The following DBX1 variants were observed in gnomAD, a reference collection of about 807,000 sequenced individuals.
The protein encoded by DBX1 is homeobox protein DBX1.
In DBX1, 10 loss-of-function variants were observed where a neutral mutation model predicts 20.8. The observed-to-expected ratio is 0.48, with a 90% confidence interval of 0.30 to 0.82. The LOEUF (loss-of-function observed/expected upper bound fraction) is 0.82. DBX1 is among the 40% of genes least tolerant of loss of function. The pLI is 0.07. For missense variants in DBX1, 505 were observed against 468.8 expected (o/e 1.08, Z -0.71); for synonymous variants, 241 against 213.9 (o/e 1.13, Z -1.11).
chr11:20,159,415 A>C (rs191712920), intron 1 of DBX1, 123 bp from the exon 2 acceptor site: 1 of 669,212 alleles, frequency 1.5e-6, no homozygotes, highest in Non-Finnish European at 2.7e-6. Flanking sequence ...GGTTTCAAAG[A>C]CATCTTTCTT....
chr11:20,156,667 A>G lies in DBX1; in HGVS notation c.673-94T>C, dbSNP rs778944029. On this transcript the variant is annotated intron_variant, in intron 3 of 3. Coordinates refer to ENST00000524983, the MANE Select transcript of DBX1 (RefSeq NM_001029865.4). The surrounding 1 kb of genome is among the most constrained non-coding windows in gnomAD (Gnocchi z 4.8). Reference sequence around the variant, plus strand: ...GGGGGCGGGGAGTGGAGTCGGGTGCAGGCTCTGTCCTTCGGGCTGTGTCCT... The same window carrying G: ...GGGGGCGGGGAGTGGAGTCGGGTGCGGGCTCTGTCCTTCGGGCTGTGTCCT... 7.6e-6 allele frequency: 12 copies of G among 1,568,712 alleles called. No individual in the cohort carries two copies. The East Asian group carries it at 2.0e-4, about 26-fold the overall frequency.
chr11:20,157,446 A>C (rs1428931597), intron 2 of DBX1, among the ~76,000 whole-genome samples: 1 of 152,254 alleles, frequency 6.6e-6, no homozygotes. Context: ...GCAAACCCGG[A>C]TTAGGTAAAA....
chr11:20,157,245 G>T lies in DBX1; in HGVS notation c.470-6C>A. ...GGGCACCACGCTGGAGGAAGCTGCAGGGTGGGGGGAGGTGGCGAGTGAGTG... is the reference window on the plus strand; with the variant it reads ...GGGCACCACGCTGGAGGAAGCTGCATGGTGGGGGGAGGTGGCGAGTGAGTG... On this transcript the variant is annotated splice_polypyrimidine_tract_variant and splice_region_variant and intron_variant, in intron 2 of 3. Coordinates refer to ENST00000524983, the MANE Select transcript of DBX1 (RefSeq NM_001029865.4). 1 of 1,557,286 alleles carries T rather than the reference G, an allele frequency of 6.4e-7. No homozygotes were observed. Among genetic ancestry groups the T allele is most frequent in the Non-Finnish European group, 8.7e-7 (1 of 1,154,604 alleles).
At chr11:20,157,011 G>A (rs777388029) in intron 3 of DBX1, 26 bp downstream of exon 3, 26 of 1,610,098 alleles carry the variant, frequency 1.6e-5, no homozygotes, top group Non-Finnish European at 2.1e-5. Context: ...GGGGCGGGGG[G>A]GGTGCTGTGG....
Position 20,156,634 on chromosome 11 carries a change from G to A in DBX1, c.673-61C>T, listed in dbSNP as rs775148261. On this transcript the variant is annotated intron_variant, in intron 3 of 3. Coordinates refer to ENST00000524983, the MANE Select transcript of DBX1 (RefSeq NM_001029865.4). This position sits in a 1 kb window ranked among gnomAD's most constrained non-coding sequence, Gnocchi z 4.8. ...CAGAGGTCAGATCAGGGGCTCCGGG[G>A]GACGCACGGGGGCGGGGAGTGGAGT... The A allele has an allele frequency of 2.5e-6, 4 of 1,612,154 alleles. No individual in the cohort carries two copies. Among genetic ancestry groups the A allele is most frequent in the African/African-American group, 1.3e-5 (1 of 74,932 alleles).
rs1428796043 is a variant in DBX1, at chr11:20,160,302, G to A, written c.23C>T (p.Ala8Val). 6.6e-7 allele frequency: 1 copy of A among 1,526,286 alleles called. No homozygotes were observed. Among genetic ancestry groups the A allele is most frequent in the South Asian group, 1.2e-5 (1 of 82,702 alleles). The allele number at this position is 1,526,286 out of a possible 1,614,324, so 94.5% of individuals were successfully genotyped here. The change falls in exon 1 of 4, where the codon GCG becomes GTG. Residue 8 changes from alanine (A) to valine (V), a missense_variant. Transcript: ENST00000524983. ...GAGGCTAGGGTACCCGGCGGGGGGCGCGAGGAGGCCGGGGAACATCATGGT... is the reference window on the plus strand; with the variant it reads ...GAGGCTAGGGTACCCGGCGGGGGGCACGAGGAGGCCGGGGAACATCATGGT... MMFPGLL[A>V]PPAGYPSLLR...
At chr11:20,157,302 C>G (rs1331292197) in intron 2 of DBX1, 63 bp from the exon 3 acceptor site, 3 of 1,454,662 alleles carry the variant, frequency 2.1e-6, no homozygotes, top group Admixed American at 4.0e-5. Flanking sequence ...ACACGGCTCT[C>G]CCTGGCTTTT....
In DBX1 at chr11:20,156,276, C is replaced by A. The variant is rs77893331; in HGVS notation, c.970G>T (p.Asp324Tyr). The A allele has an allele frequency of 6.5e-7, 1 of 1,529,676 alleles. No individual in the cohort carries two copies. Among genetic ancestry groups the A allele is most frequent in the Non-Finnish European group, 8.8e-7 (1 of 1,141,172 alleles). 94.8% of individuals were successfully genotyped at this position (1,529,676 alleles called of 1,614,324 possible). ...TCTTCCTCCTCGGAATCTGAGAAGT[C>A]CGAAGGTTTCCCGGGACTGCTCGAG... is the stretch of plus-strand genomic sequence containing the variant. ...AHSSSPGKPS[D>Y]FSDSEEEEEG... The change falls in exon 4 of 4, where the codon GAC (aspartate) becomes TAC (tyrosine). Residue 324 changes from aspartate (D) to tyrosine (Y), a missense_variant. Asp to Tyr is a radical substitution (Grantham distance 160). Coordinates refer to ENST00000524983, the MANE Select transcript of DBX1 (RefSeq NM_001029865.4). This position sits in a 1 kb window ranked among gnomAD's most constrained non-coding sequence, Gnocchi z 4.8.
rs2063664216 is a variant in DBX1, at chr11:20,157,193, C to T, written c.516G>A (p.Leu172=). 1.9e-6 allele frequency: 3 copies of T among 1,598,752 alleles called. No individual in the cohort carries two copies. Among genetic ancestry groups the T allele is most frequent in the Non-Finnish European group, 2.6e-6 (3 of 1,173,618 alleles). ...CCCGCCGAGGCTTCCCGCGCGCGGCCAGCGGCCAGGAGAAGGTCCCGGGGA... is the reference window on the plus strand; with the variant it reads ...CCCGCCGAGGCTTCCCGCGCGCGGCTAGCGGCCAGGAGAAGGTCCCGGGGA... ...VPIPGTFSWP[L]AARGKPRRGM... Residue 172 remains leucine, a synonymous_variant, in exon 3 of 4, where the codon CTG becomes CTA. Coordinates refer to ENST00000524983, the MANE Select transcript of DBX1 (RefSeq NM_001029865.4).
At chr11:20,159,732 C>A (rs945236836) in intron 1 of DBX1, among the ~76,000 whole-genome samples, 1 of 152,244 alleles carries the variant, frequency 6.6e-6, no homozygotes, top group Non-Finnish European at 1.5e-5. Flanking sequence ...TCTCCGACTG[C>A]GTGTGCTCAA....
Position 20,156,663 on chromosome 11 carries a change from GTGCAGGCTCTGTCCT to G in DBX1, c.673-105_673-91del. On this transcript the variant is annotated intron_variant, in intron 3 of 3. Transcript: ENST00000524983. This position sits in a 1 kb window ranked among gnomAD's most constrained non-coding sequence, Gnocchi z 4.8. Reference sequence around the variant, plus strand: ...GCACGGGGGCGGGGAGTGGAGTCGGGTGCAGGCTCTGTCCTTCGGGCTGTGTCCTCTCCCCACCCC... The same window carrying G: ...GCACGGGGGCGGGGAGTGGAGTCGGGTCGGGCTGTGTCCTCTCCCCACCCC... 2 of 1,576,384 alleles carry G rather than the reference GTGCAGGCTCTGTCCT, an allele frequency of 1.3e-6. No individual in the cohort carries two copies. Among genetic ancestry groups the G allele is most frequent in the Non-Finnish European group, 1.7e-6 (2 of 1,147,918 alleles).
Position 20,160,038 on chromosome 11 carries a change from G to A in DBX1, c.287C>T (p.Pro96Leu). Reference protein sequence around the residue: ...GPGSRRGGSPPTAFSPASETT... With the variant: ...GPGSRRGGSPLTAFSPASETT... ...CTCGCTGGCAGGGGAGAAGGCAGTC[G>A]GCGGAGAGCCGCCCCGTCGGCTGCC... is the stretch of plus-strand genomic sequence containing the variant. Residue 96 changes from proline to leucine, a missense_variant, in exon 1 of 4, where the codon CCG (proline) becomes CTG (leucine). Physicochemically the swap from Pro to Leu is moderately conservative, Grantham distance 98. Coordinates refer to ENST00000524983, the MANE Select transcript of DBX1 (RefSeq NM_001029865.4). 1 of 1,599,588 alleles carries A rather than the reference G, an allele frequency of 6.3e-7. No homozygotes were observed. Among genetic ancestry groups the A allele is most frequent in the Non-Finnish European group, 8.5e-7 (1 of 1,173,382 alleles).
rs1309657876 is a variant in DBX1, at chr11:20,156,769, C to T, written c.673-196G>A. ...CCGCCTCAGCTCGCGGTTCCGTTTGCCTCATCCGCTGCCACCCTGCCCCGA... is the reference window on the plus strand; with the variant it reads ...CCGCCTCAGCTCGCGGTTCCGTTTGTCTCATCCGCTGCCACCCTGCCCCGA... On this transcript the variant is annotated intron_variant, in intron 3 of 3. Coordinates refer to ENST00000524983, the MANE Select transcript of DBX1 (RefSeq NM_001029865.4). This position sits in a 1 kb window ranked among gnomAD's most constrained non-coding sequence, Gnocchi z 4.8. The T allele has an allele frequency of 4.2e-6, 4 of 947,648 alleles. No homozygotes were observed. Among genetic ancestry groups the T allele is most frequent in the Non-Finnish European group, 6.6e-6 (4 of 608,030 alleles). 58.7% of individuals were successfully genotyped at this position (947,648 alleles called of 1,614,324 possible). A position where few individuals can be genotyped will look rare whatever the true frequency, so the allele number is the denominator to read the frequency against.
chr11:20,156,895 G>C lies in DBX1; in HGVS notation c.672+142C>G. The C allele has an allele frequency of 1.2e-6, 1 of 834,474 alleles. No individual in the cohort carries two copies. Among genetic ancestry groups the C allele is most frequent in the South Asian group, 1.6e-5 (1 of 60,930 alleles). 51.7% of individuals were successfully genotyped at this position (834,474 alleles called of 1,614,324 possible). A position where few individuals can be genotyped will look rare whatever the true frequency, so the allele number is the denominator to read the frequency against. ...CGGAGCTTCGAGGGTAGTGGCCCGT[G>C]TACTCACTCCCTCTCTAGGCCTCGG... On this transcript the variant is annotated intron_variant, in intron 3 of 3. Coordinates refer to ENST00000524983, the MANE Select transcript of DBX1 (RefSeq NM_001029865.4). The surrounding 1 kb of genome is among the most constrained non-coding windows in gnomAD (Gnocchi z 4.8).
In DBX1 at chr11:20,156,433, C is replaced by T. The variant is rs1170322314; in HGVS notation, c.813G>A (p.Lys271=). The T allele has an allele frequency of 7.5e-6, 12 of 1,607,954 alleles. No individual in the cohort carries two copies. The highest frequency in any genetic ancestry group is 4.0e-5 in the African/African-American group (3 of 74,818). ...PHPDLSDVGQ[K]GPGNEEEEEG... is the part of the protein sequence containing the mutation. ...CCTCCTCCTCTTCGTTCCCAGGGCC[C>T]TTCTGGCCCACGTCGCTGAGGTCCG... Residue 271 remains lysine, a synonymous_variant, in exon 4 of 4, where the codon AAG becomes AAA. Coordinates refer to ENST00000524983, the MANE Select transcript of DBX1 (RefSeq NM_001029865.4). This position sits in a 1 kb window ranked among gnomAD's most constrained non-coding sequence, Gnocchi z 4.8.
chr11:20,157,917 T>A (rs913836322), intron 2 of DBX1, among the ~76,000 whole-genome samples: 1 of 151,974 alleles, frequency 6.6e-6, no homozygotes, highest in Non-Finnish European at 1.5e-5. Flanking sequence ...AAACAGAGAC[T>A]CTAATGAAGC....
In DBX1 at chr11:20,156,822, G is replaced by A. The variant is rs935979318; in HGVS notation, c.672+215C>T. The A allele has an allele frequency of 9.2e-6, 7 of 756,932 alleles. No individual in the cohort carries two copies. The highest frequency in any genetic ancestry group is 8.0e-5 in the East Asian group (3 of 37,638). The allele number at this position is 756,932 out of a possible 1,614,324, so 46.9% of individuals were successfully genotyped here. On this transcript the variant is annotated intron_variant, in intron 3 of 3. Coordinates refer to ENST00000524983, the MANE Select transcript of DBX1 (RefSeq NM_001029865.4). The surrounding 1 kb of genome is among the most constrained non-coding windows in gnomAD (Gnocchi z 4.8). ...GGCGGGGTTGGGGGCCGGTGAGGCC[G>A]GGAGAGAAGGCGGGGAGTCGGGGTG... is the stretch of plus-strand genomic sequence containing the variant.
chr11:20,159,395 C>A, intron 1 of DBX1, 103 bp from the exon 2 acceptor site: 1 of 742,958 alleles, frequency 1.3e-6, no homozygotes, highest in South Asian at 1.6e-5. Context: ...ATATAATTAG[C>A]CCTTCATCTG....
rs550342567 is a variant in DBX1 at position 20,157,079 on chromosome 11, G to T, written c.630C>A (p.Asp210Glu). 8.6e-5 allele frequency: 139 copies of T among 1,613,964 alleles called. No homozygotes were observed. Among genetic ancestry groups the T allele is most frequent in the Non-Finnish European group, 1.1e-4 (134 of 1,180,020 alleles). The change falls in exon 3 of 4, where the codon GAC (aspartate) becomes GAA (glutamate). Residue 210 changes from aspartate (D) to glutamate (E), a missense_variant. Asp to Glu is a conservative substitution (Grantham distance 45). Coordinates refer to ENST00000524983, the MANE Select transcript of DBX1 (RefSeq NM_001029865.4). ...FQKQKYISKP[D>E]RKKLAAKLGL... ...CCAGCTTGGCCGCCAGCTTCTTGCG[G>T]TCGGGCTTGCTGATGTACTTCTGCT... is the stretch of plus-strand genomic sequence containing the variant.
Sources: gnomAD v4.1 joint callset for allele counts (sites outside exome capture counted in the v4.1 genomes callset) on GRCh38, gnomAD v4.1.1 for gene constraint, Gnocchi (gnomAD v3.1) non-coding constraint, MANE v1.5 for transcripts, NCBI Gene and HGNC (gene_info 2026-07-23, HGNC 2026-07-21) for gene names.